Variants in RCAN1 observed in about 807,000 individuals in gnomAD.
RCAN1 encodes the protein calcipressin-1.
RCAN1 carries 11 observed loss-of-function variants against 22.9 expected under a neutral mutation model. The observed-to-expected ratio is 0.48, with a 90% CI of 0.30 to 0.79. The LOEUF (loss-of-function observed/expected upper bound fraction) is 0.79, where lower values mean the gene tolerates loss of function less well. Among genes scored for constraint, RCAN1 ranks in the 30% least tolerant of loss-of-function variants. The pLI, the probability that RCAN1 is intolerant of heterozygous loss-of-function variation, is 0.06. For missense variants in RCAN1, 291 were observed against 337.8 expected (o/e 0.86, Z 1.09); for synonymous variants, 136 against 142.3 (o/e 0.96, Z 0.32).
At chr21:34,603,657 C>T (rs543250657) in intron 1 of RCAN1, among the ~76,000 whole-genome samples, 4 of 152,084 alleles carry the variant, frequency 2.6e-5, no homozygotes, top group Non-Finnish European at 5.9e-5. Context: ...CCAGTTACCC[C>T]GGGATTCCAC....
intron 1 of RCAN1, among the ~76,000 whole-genome samples, chr21:34,571,687 C>T (rs1451300046): frequency 2.0e-5 from 3 of 152,120 alleles, no homozygotes; most frequent in African/African-American, 7.2e-5. Flanking sequence ...TCCTGAGTAG[C>T]TGGGACTACA....
At chr21:34,605,504 C>T (rs1290820294) in intron 1 of RCAN1, among the ~76,000 whole-genome samples, 1 of 152,158 alleles carries the variant, frequency 6.6e-6, no homozygotes, top group East Asian at 1.9e-4. Flanking sequence ...AATGAAGAGT[C>T]GTAACTCATG....
chr21:34,568,807 T>C (rs2123679056), intron 1 of RCAN1, among the ~76,000 whole-genome samples: 1 of 152,316 alleles, frequency 6.6e-6, no homozygotes, highest in South Asian at 2.1e-4. Flanking sequence ...AGATCTTTCT[T>C]AGTGTATTAG....
At chr21:34,556,202 T>C (rs1986566700) in intron 1 of RCAN1, among the ~76,000 whole-genome samples, 1 of 149,024 alleles carries the variant, frequency 6.7e-6, no homozygotes, top group Admixed American at 6.7e-5. Flanking sequence ...GGCGGGAGGA[T>C]AGCTTGAGCT....
intron 1 of RCAN1, among the ~76,000 whole-genome samples, chr21:34,542,431 A>AG (rs11406016): frequency 1 from 152,276 of 152,276 alleles, 76,138 homozygotes; most frequent in Non-Finnish European, 1. Context: ...GCCCATGAAG[A>AG]GCCCATACAG....
intron 1 of RCAN1, among the ~76,000 whole-genome samples, chr21:34,592,454 G>C (rs571925563): frequency 5.6e-4 from 85 of 152,300 alleles, no homozygotes; most frequent in African/African-American, 2.0e-3. Flanking sequence ...ATAAACACTG[G>C]TCAGGAGGTG....
At chr21:34,540,888 G>C (rs904444273) in intron 1 of RCAN1, among the ~76,000 whole-genome samples, 2 of 152,122 alleles carry the variant, frequency 1.3e-5, no homozygotes, top group South Asian at 4.1e-4. Context: ...GGGAGGCTGA[G>C]GTAGAAGAAC....
chr21:34,605,603 A>T (rs1988498492), intron 1 of RCAN1, among the ~76,000 whole-genome samples: 1 of 152,136 alleles, frequency 6.6e-6, no homozygotes, highest in South Asian at 2.1e-4. Flanking sequence ...TGAAAAATTC[A>T]CTCGCATTAA....
chr21:34,605,277 T>G (rs1424436128), intron 1 of RCAN1, among the ~76,000 whole-genome samples: 1 of 152,240 alleles, frequency 6.6e-6, no homozygotes, highest in East Asian at 1.9e-4. Flanking sequence ...CTTCCTGCTC[T>G]CAAACATTAG....
In RCAN1 at chr21:34,575,997, ACT is replaced by A. The variant is rs543607564; in HGVS notation, c.252+38761_252+38762del. ...TCCATCACACTGCATGGGATCCTTA[ACT>A]CTGAGTGAGCCAGGGTCCTGTGGAA... On this transcript the variant is annotated intron_variant, in intron 1 of 3. Coordinates refer to ENST00000313806, the MANE Select transcript of RCAN1 (RefSeq NM_004414.7). Among the ~76,000 whole-genome samples the A allele has an allele frequency of 7.3e-4, 111 of 152,208 alleles. 1 individual carries two copies. The highest frequency in any genetic ancestry group is 2.6e-3 in the African/African-American group (108 of 41,516).
At chr21:34,604,210 A>C (rs991836336) in intron 1 of RCAN1, among the ~76,000 whole-genome samples, 3 of 152,102 alleles carry the variant, frequency 2.0e-5, no homozygotes, top group Non-Finnish European at 2.9e-5. Flanking sequence ...GGCTCATTGC[A>C]ACCTCCGCCT....
At chr21:34,535,933 A>C (rs1179874543) in intron 1 of RCAN1, among the ~76,000 whole-genome samples, 1 of 152,136 alleles carries the variant, frequency 6.6e-6, no homozygotes, top group Non-Finnish European at 1.5e-5. Flanking sequence ...GAAAAGAGAA[A>C]AATAAAATAA....
intron 1 of RCAN1, among the ~76,000 whole-genome samples, chr21:34,548,299 A>ACAGTGGAG (rs57591572): frequency 6.6e-6 from 1 of 151,898 alleles, no homozygotes; most frequent in Non-Finnish European, 1.5e-5. Flanking sequence ...GATTTTCATT[A>ACAGTGGAG]CTTTTGCTTT....
intron 1 of RCAN1, among the ~76,000 whole-genome samples, chr21:34,587,868 A>T (rs539894886): frequency 2.6e-5 from 4 of 152,216 alleles, no homozygotes; most frequent in African/African-American, 9.6e-5. Flanking sequence ...CATTTAGATT[A>T]GTGAACTCTG....
At chr21:34,542,992 A>G (rs1299723362) in intron 1 of RCAN1, among the ~76,000 whole-genome samples, 1 of 152,232 alleles carries the variant, frequency 6.6e-6, no homozygotes, top group African/African-American at 2.4e-5. Flanking sequence ...CTCAAGTCCC[A>G]TGTGCTTCAG....
chr21:34,556,108 CA>C (rs10541076), intron 1 of RCAN1, among the ~76,000 whole-genome samples: 81,126 of 117,932 alleles, frequency 0.69, 28,943 homozygotes, highest in Non-Finnish European at 0.79. Context: ...AATTAAAGGC[CA>C]AAAAAAAAAA....
chr21:34,563,818 G>GAGAGAC, intron 1 of RCAN1, among the ~76,000 whole-genome samples: 1 of 142,532 alleles, frequency 7.0e-6, no homozygotes. Flanking sequence ...GAGAGAGAGA[G>GAGAGAC]AGGCAGGCAT....
At chr21:34,582,733 A>T (rs1023590296) in intron 1 of RCAN1, among the ~76,000 whole-genome samples, 1 of 152,206 alleles carries the variant, frequency 6.6e-6, no homozygotes, top group Non-Finnish European at 1.5e-5. Context: ...TCAAAACACC[A>T]CTGGCTGCTC....
intron 1 of RCAN1, among the ~76,000 whole-genome samples, chr21:34,564,371 G>C (rs1457378200): frequency 6.6e-6 from 1 of 152,202 alleles, no homozygotes; most frequent in Non-Finnish European, 1.5e-5. Flanking sequence ...GCAGGGGCCA[G>C]ATCCATTGGT....
Sources: allele counts gnomAD v4.1 joint callset (sites outside exome capture counted in the v4.1 genomes callset), GRCh38; gene constraint gnomAD v4.1.1; transcripts MANE v1.5; gene names NCBI Gene and HGNC (gene_info 2026-07-23, HGNC 2026-07-21).